RPL36A: variants seen among roughly 807,000 people sequenced by gnomAD.
The protein encoded by RPL36A is ribosomal protein L36a.
For missense variants in RPL36A, 20 were observed against 81.0 expected (o/e 0.25, Z 2.89); for synonymous variants, 25 against 28.5 (o/e 0.88, Z 0.39).
rs782463825 is a variant in RPL36A at position 101,395,385 on chromosome X, C to G, written c.228C>G (p.Asn76Lys). Reference protein sequence around the residue: ...IVLRLECVEPNCRSKRMLAIK... With the variant: ...IVLRLECVEPKCRSKRMLAIK... The stretch of plus-strand genomic sequence containing the variant: ...TAAGGCTTGAGTGCGTTGAGCCCAA[C>G]TGCAGATCTAAGAGAATGCTGGCTA... The change falls in exon 4 of 5, where the codon AAC (asparagine) becomes AAG (lysine). Residue 76 changes from asparagine (N) to lysine (K), a missense_variant. Transcript: ENST00000553110. 8.3e-7 allele frequency: 1 copy of G among 1,208,315 alleles called. No individual in the cohort carries two copies. Among genetic ancestry groups the G allele is most frequent in the South Asian group, 1.8e-5 (1 of 56,273 alleles).
Position 101,395,316 on chromosome X carries a change from T to C in RPL36A, c.178-19T>C, listed in dbSNP as rs781881532. 3.4e-6 allele frequency: 4 copies of C among 1,177,147 alleles called. No individual in the cohort carries two copies. Among genetic ancestry groups the C allele is most frequent in the Non-Finnish European group, 4.5e-6 (4 of 882,497 alleles). ...CTTCTGTAGTTATTTATTAAGGCTT[T>C]AATTTAATTTTTTTTCAGGCTAAAA... On this transcript the variant is annotated intron_variant, in intron 3 of 4. Transcript: ENST00000553110.
At chrX:101,391,890 C>T (rs1555983508) in intron 3 of RPL36A, 68 bp downstream of exon 3, 2 of 1,194,910 alleles carry the variant, frequency 1.7e-6, no homozygotes, top group Non-Finnish European at 2.3e-6. Context: ...GTCTCTAGTC[C>T]ACACACTTCA....
intron 2 of RPL36A, 94 bp from the exon 3 acceptor site, chrX:101,391,661 C>T: frequency 8.4e-7 from 1 of 1,193,916 alleles, no homozygotes; most frequent in Non-Finnish European, 1.1e-6. Context: ...CTGGCTTGAG[C>T]GTTAATATTT....
At chrX:101,391,676 T>C in intron 2 of RPL36A, 79 bp from the exon 3 acceptor site, 1 of 1,198,225 alleles carries the variant, frequency 8.3e-7, no homozygotes, top group South Asian at 1.8e-5. Flanking sequence ...ATATTTCTGC[T>C]GCGAAATTAA....
At chrX:101,391,344 A>T in intron 1 of RPL36A, 115 bp from the exon 2 acceptor site, 1 of 907,434 alleles carries the variant, frequency 1.1e-6, no homozygotes, top group Non-Finnish European at 1.6e-6. Flanking sequence ...CTGTAGTCAG[A>T]GGTAGCAAGT....
intron 1 of RPL36A, 192 bp downstream of exon 1, chrX:101,391,238 A>T (rs1927787330): frequency 1.7e-6 from 1 of 587,154 alleles, no homozygotes; most frequent in Non-Finnish European, 2.7e-6. Flanking sequence ...TCAAAGAGGT[A>T]GAGTTAGCCG....
At position 101,391,032 on chromosome X, in the gene RPL36A, G is replaced by C. The variant is rs782364696; in HGVS notation, c.-12G>C. The C allele has an allele frequency of 8.3e-6, 10 of 1,211,951 alleles. No individual in the cohort carries two copies. The highest frequency in any genetic ancestry group is 1.1e-5 in the Non-Finnish European group (10 of 895,399). ...GTTTCTTTCTTTCCGCGCCGATAGC[G>C]CTCACGCAAGCATGGTAGGACTTGC... is the stretch of plus-strand genomic sequence containing the variant. On this transcript the variant is annotated 5_prime_UTR_variant, in exon 1 of 5. Transcript: ENST00000553110.
rs1209288306 is a variant in RPL36A, at chrX:101,391,122, A to G, written c.3+76A>G. 11 of 1,085,502 alleles carry G rather than the reference A, an allele frequency of 1.0e-5. No individual in the cohort carries two copies. In the African/African-American group the frequency reaches 1.8e-4, roughly 18 times the overall value. 89.5% of individuals were successfully genotyped at this position (1,085,502 alleles called of 1,213,427 possible). A position where few individuals can be genotyped will look rare whatever the true frequency, so the allele number is the denominator to read the frequency against. ...CCTTCGTCGCCCGTGCTATGCCGGGATGGGTCCAGGCTCCTGTGTGGACTC... is the reference window on the plus strand; with the variant it reads ...CCTTCGTCGCCCGTGCTATGCCGGGGTGGGTCCAGGCTCCTGTGTGGACTC... On this transcript the variant is annotated intron_variant, in intron 1 of 4. Coordinates refer to ENST00000553110, the MANE Select transcript of RPL36A (RefSeq NM_021029.6).
rs1928005190 is a variant in RPL36A at position 101,395,803 on chromosome X, T to C, written c.*55T>C. ...ATCTTGAGTTTATGTTCACTTCATTTGTTTGCTGTTCATCTTTTGGGAGGG... is the reference window on the plus strand; with the variant it reads ...ATCTTGAGTTTATGTTCACTTCATTCGTTTGCTGTTCATCTTTTGGGAGGG... On this transcript the variant is annotated 3_prime_UTR_variant, in exon 5 of 5. Coordinates refer to ENST00000553110, the MANE Select transcript of RPL36A (RefSeq NM_021029.6). 1 of 1,092,276 alleles carries C rather than the reference T, an allele frequency of 9.2e-7. No individual in the cohort carries two copies. The highest frequency in any genetic ancestry group is 1.9e-5 in the South Asian group (1 of 52,086). 90.0% of individuals were successfully genotyped at this position (1,092,276 alleles called of 1,213,427 possible).
intron 4 of RPL36A, 27 bp downstream of exon 4, chrX:101,395,484 A>G (rs1555984192): frequency 1.7e-6 from 2 of 1,199,625 alleles, no homozygotes; most frequent in South Asian, 1.8e-5. Context: ...GGAAGGTGCA[A>G]TCTTTTTCAT....
At chrX:101,391,403 G>T in intron 1 of RPL36A, 56 bp from the exon 2 acceptor site, 1 of 1,179,129 alleles carries the variant, frequency 8.5e-7, no homozygotes. Context: ...GTAAGGTAGG[G>T]CGTTGTGCCA....
chrX:101,391,426 A>C (rs369758384), intron 1 of RPL36A, 33 bp from the exon 2 acceptor site: 297 of 1,202,908 alleles, frequency 2.5e-4, no homozygotes, highest in Non-Finnish European at 1.0e-5. Flanking sequence ...GTGGTCAAAT[A>C]ACATTGCACG....
chrX:101,394,461 T>TG (rs1377335362), intron 3 of RPL36A, among the ~76,000 whole-genome samples: 3 of 108,736 alleles, frequency 2.8e-5, no homozygotes, highest in East Asian at 5.7e-4. Flanking sequence ...TTTATAGAGA[T>TG]GGGGTTCTCA....
rs1927792920 is a variant in RPL36A, at chrX:101,391,345, G to A, written c.4-114G>A. The A allele has an allele frequency of 4.3e-6, 4 of 921,411 alleles. No homozygotes were observed. The South Asian group carries it at 8.6e-5, about 20-fold the overall frequency. 75.9% of individuals were successfully genotyped at this position (921,411 alleles called of 1,213,427 possible). On this transcript the variant is annotated intron_variant, in intron 1 of 4. Transcript: ENST00000553110. Reference sequence around the variant, plus strand: ...GGGGCTGGCCCACCCTGTAGTCAGAGGTAGCAAGTAATGAGGAGTCCTCCT... The same window carrying A: ...GGGGCTGGCCCACCCTGTAGTCAGAAGTAGCAAGTAATGAGGAGTCCTCCT...
chrX:101,392,738 C>A, intron 3 of RPL36A: 1 of 391,943 alleles, frequency 2.6e-6, no homozygotes, highest in Non-Finnish European at 3.2e-6. Context: ...AAAGAGATAT[C>A]TGCACTCCTA....
At chrX:101,392,159 C>T in intron 3 of RPL36A, 4 of 1,033,383 alleles carry the variant, frequency 3.9e-6, no homozygotes, top group African/African-American at 1.9e-5. Context: ...TCTGAATCCT[C>T]GCTTGTTGGT....
intron 3 of RPL36A, chrX:101,392,569 C>T (rs1412159283): frequency 2.7e-6 from 2 of 753,136 alleles, no homozygotes; most frequent in African/African-American, 4.6e-5. Flanking sequence ...GACAGAGGTT[C>T]TAACTAGGTT....
At position 101,391,830 on chromosome X, in the gene RPL36A, G is replaced by T; in HGVS notation, c.177+8G>T. ...CCGATTTTCCGGAAAAAGGTGAGTGGTAGTTACTATTTGACGTTTCCCAGT... is the reference window on the plus strand; with the variant it reads ...CCGATTTTCCGGAAAAAGGTGAGTGTTAGTTACTATTTGACGTTTCCCAGT... On this transcript the variant is annotated splice_region_variant and intron_variant, in intron 3 of 4. Coordinates refer to ENST00000553110, the MANE Select transcript of RPL36A (RefSeq NM_021029.6). 8.3e-7 allele frequency: 1 copy of T among 1,207,231 alleles called. No individual in the cohort carries two copies. Among genetic ancestry groups the T allele is most frequent in the Non-Finnish European group, 1.1e-6 (1 of 893,882 alleles).
At chrX:101,391,277 CT>C in intron 1 of RPL36A, 181 bp from the exon 2 acceptor site, 2 of 619,206 alleles carry the variant, frequency 3.2e-6, no homozygotes, top group Non-Finnish European at 2.6e-6. Flanking sequence ...TCTCTTCCCT[CT>C]TTGGGGCTCG....
Sources: gnomAD v4.1 joint callset for allele counts (sites outside exome capture counted in the v4.1 genomes callset) on GRCh38, gnomAD v4.1.1 for gene constraint, MANE v1.5 for transcripts, NCBI Gene and HGNC (gene_info 2026-07-23, HGNC 2026-07-21) for gene names.